The following RNGTT variants were observed in gnomAD, a reference collection of about 807,000 sequenced individuals.
The protein encoded by RNGTT is RNA guanylyltransferase and 5'-phosphatase.
RNGTT carries 33 observed loss-of-function variants against 79.3 expected under a neutral mutation model. That is an observed-to-expected ratio of 0.42 (90% CI 0.32 to 0.56). The LOEUF is 0.56. RNGTT is among the 20% of genes least tolerant of loss of function. The pLI, the probability that RNGTT is intolerant of heterozygous loss-of-function variation, is 0.17. For synonymous variants in RNGTT, 222 were observed against 235.9 expected (o/e 0.94, Z 0.54); for missense variants, 497 against 739.1 (o/e 0.67, Z 3.80).
chr6:88,871,198 A>G (rs1782342657), intron 8 of RNGTT, among the ~76,000 whole-genome samples: 1 of 152,206 alleles, frequency 6.6e-6, no homozygotes, highest in Non-Finnish European at 1.5e-5. Context: ...GTTATTTAGA[A>G]TAATATTATC....
chr6:88,920,251 C>T (rs916221470), intron 4 of RNGTT, among the ~76,000 whole-genome samples: 3 of 152,180 alleles, frequency 2.0e-5, no homozygotes, highest in African/African-American at 7.2e-5. Flanking sequence ...TGCTCAAGTG[C>T]CTTGTATAAA....
intron 14 of RNGTT, among the ~76,000 whole-genome samples, chr6:88,647,715 A>AAAAAGAAAAAAGAAG (rs531898293): frequency 1.4e-5 from 2 of 142,444 alleles, no homozygotes; most frequent in African/African-American, 3.0e-5. Flanking sequence ...AAAAAAAAAA[A>AAAAAGAAAAAAGAAG]AAGAAGAAGA....
chr6:88,618,656 C>T (rs111764624), intron 14 of RNGTT, among the ~76,000 whole-genome samples: 2,064 of 152,234 alleles, frequency 0.014, 42 homozygotes, highest in African/African-American at 0.047. Flanking sequence ...CAGAGCAACA[C>T]ACCATATATT....
chr6:88,897,555 C>T (rs1783293615), intron 6 of RNGTT, among the ~76,000 whole-genome samples: 2 of 152,152 alleles, frequency 1.3e-5, no homozygotes, highest in Non-Finnish European at 2.9e-5. Context: ...ACTAAAAAGC[C>T]TTTTCTGACT....
intron 13 of RNGTT, among the ~76,000 whole-genome samples, chr6:88,758,258 A>G (rs1017474904): frequency 3.3e-5 from 5 of 152,222 alleles, no homozygotes; most frequent in Admixed American, 3.3e-4. Flanking sequence ...ATAAGAAATT[A>G]CCAAAATTAA....
intron 12 of RNGTT, among the ~76,000 whole-genome samples, chr6:88,780,256 A>G (rs189884154): frequency 6.6e-6 from 1 of 152,340 alleles, no homozygotes; most frequent in Non-Finnish European, 1.5e-5. Context: ...TCTCAGGTAC[A>G]CTTAATTTAA....
At chr6:88,763,645 G>A (rs996778302) in intron 13 of RNGTT, among the ~76,000 whole-genome samples, 63 of 152,100 alleles carry the variant, frequency 4.1e-4, no homozygotes, top group East Asian at 1.9e-4. Context: ...GTGATAAAGA[G>A]GAAGTATAAA....
intron 11 of RNGTT, among the ~76,000 whole-genome samples, chr6:88,809,816 A>C (rs1225618337): frequency 6.6e-6 from 1 of 152,158 alleles, no homozygotes; most frequent in Non-Finnish European, 1.5e-5. Context: ...TGGGAGGCTG[A>C]GGTGGGAGGA....
intron 14 of RNGTT, among the ~76,000 whole-genome samples, chr6:88,630,374 G>A (rs554474607): frequency 1.3e-5 from 2 of 152,150 alleles, no homozygotes; most frequent in Middle Eastern, 3.4e-3. Context: ...TTCCATTTTT[G>A]CTTTTGGAAT....
At chr6:88,849,608 A>G in intron 10 of RNGTT, 147 bp downstream of exon 10, 1 of 561,038 alleles carries the variant, frequency 1.8e-6, no homozygotes, top group Non-Finnish European at 2.7e-6. Flanking sequence ...AAGGAGATAT[A>G]AAAGGATTAA....
chr6:88,627,692 T>A (rs986885799), intron 14 of RNGTT, among the ~76,000 whole-genome samples: 4 of 152,250 alleles, frequency 2.6e-5, no homozygotes, highest in African/African-American at 9.6e-5. Flanking sequence ...CTCTTTCTCC[T>A]TTAAAATCAC....
At chr6:88,962,987 AAT>A (rs34055028) in intron 1 of RNGTT, among the ~76,000 whole-genome samples, 14,149 of 151,966 alleles carry the variant, frequency 0.093, 1,140 homozygotes, top group African/African-American at 0.21. Context: ...CCTCCATCTC[AAT>A]ACTGATATTC....
chr6:88,730,315 C>T (rs1264288386), intron 13 of RNGTT, among the ~76,000 whole-genome samples: 1 of 152,154 alleles, frequency 6.6e-6, no homozygotes, highest in East Asian at 1.9e-4. Context: ...AAACCACTCA[C>T]CCTGTCACTC....
rs146721133 is a variant in RNGTT at position 88,723,967 on chromosome 6, C to T, written c.1440-45548G>A. On this transcript the variant is annotated intron_variant, in intron 13 of 15. Transcript: ENST00000369485. ...CTCAAGCTCCTGGCCTCAGGTGATC[C>T]GCCTGCCTCAGCCTCCCAAAGTGAT... 7.6e-3 allele frequency among the ~76,000 whole-genome samples: 1,161 copies of T among 152,192 alleles called. 22 individuals are homozygous for T. The highest frequency in any genetic ancestry group is 0.026 in the African/African-American group (1,098 of 41,508).
chr6:88,901,495 C>CTTTTTTTTTTTTTTTTTTTTTTTT (rs71024314), intron 6 of RNGTT, among the ~76,000 whole-genome samples: 5 of 65,810 alleles, frequency 7.6e-5, no homozygotes, highest in Admixed American at 1.8e-4. Context: ...GCACCCTGAT[C>CTTTTTTTTTTTTTTTTTTTTTTTT]TTTTTTTTTT....
chr6:88,850,657 A>G (rs1018800745), intron 9 of RNGTT, among the ~76,000 whole-genome samples: 1 of 151,988 alleles, frequency 6.6e-6, no homozygotes, highest in Non-Finnish European at 1.5e-5. Context: ...AGAAAGCATT[A>G]CCTAAGCCTA....
chr6:88,679,514 G>T (rs1775009108), intron 13 of RNGTT, among the ~76,000 whole-genome samples: 1 of 152,146 alleles, frequency 6.6e-6, no homozygotes, highest in Non-Finnish European at 1.5e-5. Context: ...CATATTAAAA[G>T]ATGTACTTAT....
intron 1 of RNGTT, among the ~76,000 whole-genome samples, chr6:88,945,604 C>G (rs987672740): frequency 6.6e-6 from 1 of 152,218 alleles, no homozygotes; most frequent in Non-Finnish European, 1.5e-5. Flanking sequence ...TCTCTACTCT[C>G]TCTACGGTCT....
chr6:88,884,192 G>C (rs1782784278), intron 8 of RNGTT, among the ~76,000 whole-genome samples: 1 of 152,150 alleles, frequency 6.6e-6, no homozygotes, highest in African/African-American at 2.4e-5. Context: ...GGGAAAGTCA[G>C]CTCACAGTTA....
Sources: gnomAD v4.1 joint callset for allele counts (sites outside exome capture counted in the v4.1 genomes callset) on GRCh38, gnomAD v4.1.1 for gene constraint, MANE v1.5 for transcripts, NCBI Gene and HGNC (gene_info 2026-07-23, HGNC 2026-07-21) for gene names.